EYS: variants seen among roughly 807,000 people sequenced by gnomAD.
The protein encoded by EYS is protein eyes shut homolog.
In EYS, 250 loss-of-function variants were observed where a neutral mutation model predicts 282.1. The observed-to-expected ratio is 0.89, with a 90% CI of 0.80 to 0.98. The LOEUF (loss-of-function observed/expected upper bound fraction) is 0.98. EYS is among the 50% of genes least tolerant of loss of function. The pLI is 0.00. For synonymous variants in EYS, 1,355 were observed against 1,282.9 expected (o/e 1.06, Z -1.20); for missense variants, 4,016 against 3,709.0 (o/e 1.08, Z -2.15).
chr6:64,082,890 TA>T (rs928035498), intron 31 of EYS, among the ~76,000 whole-genome samples: 15 of 149,006 alleles, frequency 1.0e-4, no homozygotes, highest in East Asian at 3.9e-4. Flanking sequence ...CATTTGGTAA[TA>T]AAAAAAAGAA....
At position 63,742,709 on chromosome 6, in the gene EYS, G is replaced by GTACC. The variant is rs548932538; in HGVS notation, c.8072-16033_8072-16030dup. On this transcript the variant is annotated intron_variant, in intron 41 of 42. Coordinates refer to ENST00000503581, the MANE Select transcript of EYS (RefSeq NM_001142800.2). ...GCTGGGAGCAAATGATGGACCAATG[G>GTACC]TACCATCTCTTGGCATACTCTATCT... 1.2e-4 allele frequency among the ~76,000 whole-genome samples: 18 copies of GTACC among 152,140 alleles called. No individual in the cohort carries two copies. In the East Asian group the frequency reaches 3.3e-3, roughly 28 times the overall value.
chr6:64,491,751 A>C (rs945838557), intron 26 of EYS, among the ~76,000 whole-genome samples: 1 of 151,132 alleles, frequency 6.6e-6, no homozygotes, highest in South Asian at 2.1e-4. Flanking sequence ...AGCAGAGCTT[A>C]TACCCTTAAA....
intron 42 of EYS, among the ~76,000 whole-genome samples, chr6:63,722,077 T>C (rs993531854): frequency 2.0e-5 from 3 of 152,154 alleles, no homozygotes; most frequent in Admixed American, 1.3e-4. Context: ...AGGTTTTTCT[T>C]CAAATGAAAG....
chr6:65,001,082 G>A (rs1215228596), intron 13 of EYS, among the ~76,000 whole-genome samples: 1 of 152,036 alleles, frequency 6.6e-6, no homozygotes, highest in East Asian at 1.9e-4. Context: ...TCTAGGGGTG[G>A]ATGCCTGCAA....
Position 64,814,453 on chromosome 6 carries a change from T to C in EYS, c.3244-876A>G, listed in dbSNP as rs184270823. Among the ~76,000 whole-genome samples, 6 of 152,166 alleles carry C rather than the reference T, an allele frequency of 3.9e-5. No individual in the cohort carries two copies. In the East Asian group the frequency reaches 5.8e-4, roughly 15 times the overall value. On this transcript the variant is annotated intron_variant, in intron 21 of 42. Transcript: ENST00000503581. ...TATTATCTTTCTTTCTTCTCCACTC[T>C]GAAGGCCAAGGGCTCAGTCAGCCTC...
intron 26 of EYS, among the ~76,000 whole-genome samples, chr6:64,563,342 A>G (rs1009376721): frequency 7.9e-5 from 12 of 151,408 alleles, no homozygotes; most frequent in Admixed American, 7.2e-4. Flanking sequence ...TTTGAAGCAG[A>G]TGAAAAAAGA....
At chr6:64,151,322 TATATATATATATATATA>T (rs1774707414) in intron 31 of EYS, among the ~76,000 whole-genome samples, 1 of 45,432 alleles carries the variant, frequency 2.2e-5, no homozygotes, top group Non-Finnish European at 4.4e-5. Context: ...TATATTTATA[TATATATATATATATATA>T]TATATATATA....
At chr6:63,737,346 C>T (rs1325198914) in intron 41 of EYS, among the ~76,000 whole-genome samples, 27 of 152,010 alleles carry the variant, frequency 1.8e-4, no homozygotes, top group Non-Finnish European at 3.2e-4. Flanking sequence ...TTGAGATAAT[C>T]ATGTGGTTTT....
chr6:63,883,066 A>G (rs1054966258), intron 35 of EYS, among the ~76,000 whole-genome samples: 15 of 152,220 alleles, frequency 9.9e-5, no homozygotes, highest in African/African-American at 3.4e-4. Flanking sequence ...ATTATAACAT[A>G]GTATTCACCT....
At chr6:65,216,783 T>C in intron 12 of EYS, among the ~76,000 whole-genome samples, 1 of 151,964 alleles carries the variant, frequency 6.6e-6, no homozygotes, top group African/African-American at 2.4e-5. Flanking sequence ...AAATATTTTA[T>C]AATATAATAT....
At chr6:65,646,645 T>C (rs1357543653) in intron 1 of EYS, among the ~76,000 whole-genome samples, 8 of 152,160 alleles carry the variant, frequency 5.3e-5, no homozygotes, top group African/African-American at 1.9e-4. Context: ...ACCACTTCTA[T>C]TCAACACAGT....
At chr6:64,388,448 G>C (rs2150424724) in intron 29 of EYS, among the ~76,000 whole-genome samples, 1 of 152,196 alleles carries the variant, frequency 6.6e-6, no homozygotes, top group East Asian at 1.9e-4. Flanking sequence ...ATAGCCATAA[G>C]ATGGAAAAAC....
At chr6:64,847,998 AT>A (rs1367529706) in intron 19 of EYS, among the ~76,000 whole-genome samples, 1 of 151,942 alleles carries the variant, frequency 6.6e-6, no homozygotes, top group East Asian at 1.9e-4. Flanking sequence ...GTTTTTGCAT[AT>A]TTTCCTAATA....
intron 22 of EYS, among the ~76,000 whole-genome samples, chr6:64,735,788 A>G (rs1772168236): frequency 6.6e-6 from 1 of 152,134 alleles, no homozygotes; most frequent in Admixed American, 6.5e-5. Context: ...GTTGTTAGGT[A>G]GCAATTTACT....
chr6:63,923,721 C>T (rs1764637277), intron 35 of EYS, among the ~76,000 whole-genome samples: 1 of 152,104 alleles, frequency 6.6e-6, no homozygotes, highest in African/African-American at 2.4e-5. Context: ...CAACCTTTGT[C>T]CTCCTCCTTC....
intron 5 of EYS, among the ~76,000 whole-genome samples, chr6:65,409,662 T>C (rs935765351): frequency 3.9e-5 from 6 of 152,152 alleles, no homozygotes; most frequent in African/African-American, 9.7e-5. Flanking sequence ...CAAATCACTA[T>C]ATAGTGCAAG....
chr6:65,349,368 T>C (rs1770516644), intron 9 of EYS, among the ~76,000 whole-genome samples: 1 of 151,508 alleles, frequency 6.6e-6, no homozygotes, highest in Non-Finnish European at 1.5e-5. Flanking sequence ...AGAAATAAGA[T>C]GTCAATTTCA....
intron 22 of EYS, among the ~76,000 whole-genome samples, chr6:64,797,465 G>C (rs935798484): frequency 2.6e-5 from 4 of 151,926 alleles, no homozygotes; most frequent in African/African-American, 9.7e-5. Flanking sequence ...GAAATCCTTA[G>C]TTTTCCCAGC....
chr6:65,690,732 C>T (rs1461403416), intron 1 of EYS, among the ~76,000 whole-genome samples: 1 of 149,908 alleles, frequency 6.7e-6, no homozygotes, highest in Non-Finnish European at 1.5e-5. Flanking sequence ...CCTCCTCTAG[C>T]CCCCCAGCCC....
Sources: gnomAD v4.1 joint callset for allele counts (sites outside exome capture counted in the v4.1 genomes callset) on GRCh38, gnomAD v4.1.1 for gene constraint, MANE v1.5 for transcripts, NCBI Gene and HGNC (gene_info 2026-07-23, HGNC 2026-07-21) for gene names.